Variants in CCDC88A observed in about 807,000 individuals in gnomAD.
CCDC88A encodes the protein coiled-coil and HOOK domain protein 88A, also known as girdin.
Under a neutral mutation model 234.3 loss-of-function variants are expected in CCDC88A, and 54 were observed. That is an observed-to-expected ratio of 0.23 (90% CI 0.19 to 0.29). The LOEUF (loss-of-function observed/expected upper bound fraction) is 0.29. CCDC88A is among the 10% of genes least tolerant of loss of function. The probability of loss-of-function intolerance (pLI) is 1.00; values close to 1 mark genes in which losing one functional copy is unlikely to be tolerated. For synonymous variants in CCDC88A, 753 were observed against 737.8 expected, an observed-to-expected ratio of 1.02 and a Z score of -0.33; for missense variants, 1,832 against 2,123.4, an observed-to-expected ratio of 0.86 and a Z score of 2.70.
rs1357029640 is a variant in CCDC88A, at chr2:55,332,607, A to T, written c.2814T>A (p.Asn938Lys). ...LTHELEKIGLNKERLLHDEQS... is the reference protein window; with the variant it reads ...LTHELEKIGLKKERLLHDEQS... The stretch of plus-strand genomic sequence containing the variant: ...GTTCATCATGTAAGAGTCGCTCCTT[A>T]TTTAACCCTATCTTCTCAAGCTCAT... Residue 938 changes from asparagine to lysine, a missense_variant, in exon 16 of 33, where the codon AAT becomes AAA. By Grantham distance (94) the Asn-to-Lys change is moderately conservative. This residue lies in a region of CCDC88A where 1,282 missense variants were observed against 1,543.6 expected (regional missense o/e 0.83). Coordinates refer to ENST00000436346, the MANE Select transcript of CCDC88A (RefSeq NM_001365480.1). This position sits in a 1 kb window ranked among gnomAD's most constrained non-coding sequence, Gnocchi z 4.5. The T allele has an allele frequency of 1.9e-6, 3 of 1,613,436 alleles. No individual in the cohort carries two copies. The highest frequency in any genetic ancestry group is 2.5e-6 in the Non-Finnish European group (3 of 1,179,778).
intron 2 of CCDC88A, among the ~76,000 whole-genome samples, chr2:55,394,995 G>A (rs570736405): frequency 3.0e-4 from 45 of 151,866 alleles, no homozygotes; most frequent in Non-Finnish European, 5.6e-4. Flanking sequence ...ACAGGTGCAC[G>A]CCACCACACC....
At chr2:55,398,631 G>T (rs1678036730) in intron 2 of CCDC88A, among the ~76,000 whole-genome samples, 1 of 151,632 alleles carries the variant, frequency 6.6e-6, no homozygotes. Context: ...TAAGCTCCTG[G>T]GCTGGCAACG....
In CCDC88A at chr2:55,291,694, T is replaced by C. The variant is rs377524973; in HGVS notation, c.*17A>G. 5.9e-6 allele frequency: 9 copies of C among 1,537,356 alleles called. No individual in the cohort carries two copies. In the African/African-American group the frequency reaches 8.2e-5, roughly 14 times the overall value. On this transcript the variant is annotated 3_prime_UTR_variant, in exon 32 of 33. Coordinates refer to ENST00000436346, the MANE Select transcript of CCDC88A (RefSeq NM_001365480.1). ...AACTCACCACTTGGCCCACATGTCA[T>C]GTAGTGGGTAATAGAATTAGGAGCT...
chr2:55,334,986 T>A lies in CCDC88A; in HGVS notation c.1835A>T (p.Gln612Leu), dbSNP rs1215550452. 6.3e-7 allele frequency: 1 copy of A among 1,594,780 alleles called. No individual in the cohort carries two copies. Among genetic ancestry groups the A allele is most frequent in the South Asian group, 1.1e-5 (1 of 88,226 alleles). Reference sequence around the variant, plus strand: ...ATAATGTTCCAATTCTTTTTTAATTTGTCTTTTTTCAAATTCAATCTTGCT... The same window carrying A: ...ATAATGTTCCAATTCTTTTTTAATTAGTCTTTTTTCAAATTCAATCTTGCT... ...KLSKIEFEKR[Q>L]IKKELEHYKE... Residue 612 changes from glutamine to leucine, a missense_variant, in exon 15 of 33, where the codon CAA (glutamine) becomes CTA (leucine). By Grantham distance (113) the Gln-to-Leu change is moderately radical. This residue lies in a region of CCDC88A where 1,282 missense variants were observed against 1,543.6 expected (regional missense o/e 0.83). Coordinates refer to ENST00000436346, the MANE Select transcript of CCDC88A (RefSeq NM_001365480.1). The surrounding 1 kb of genome is among the most constrained non-coding windows in gnomAD (Gnocchi z 6.1).
intron 2 of CCDC88A, among the ~76,000 whole-genome samples, chr2:55,412,949 T>C (rs1349476073): frequency 6.6e-6 from 1 of 152,132 alleles, no homozygotes; most frequent in Non-Finnish European, 1.5e-5. Flanking sequence ...ATGCCTGTAA[T>C]GCCAGCCACT....
intron 7 of CCDC88A, among the ~76,000 whole-genome samples, chr2:55,357,822 C>T (rs1370108635): frequency 3.3e-5 from 5 of 152,228 alleles, no homozygotes; most frequent in Admixed American, 1.3e-4. Flanking sequence ...TATTGCTTTC[C>T]GATTCCAGTA....
intron 7 of CCDC88A, among the ~76,000 whole-genome samples, chr2:55,359,844 C>T (rs1250712945): frequency 2.5e-5 from 2 of 81,610 alleles, no homozygotes; most frequent in African/African-American, 5.6e-5. Flanking sequence ...TAAAAAGATA[C>T]ATCAATGCTA....
intron 26 of CCDC88A, 121 bp downstream of exon 26, chr2:55,302,948 G>A (rs1681075548): frequency 1.5e-6 from 1 of 673,798 alleles, no homozygotes; most frequent in South Asian, 1.8e-5. Context: ...CCTTATATTA[G>A]AGGAAGACTG....
At chr2:55,369,043 T>A (rs1388548784) in intron 5 of CCDC88A, among the ~76,000 whole-genome samples, 3 of 152,176 alleles carry the variant, frequency 2.0e-5, no homozygotes, top group Non-Finnish European at 4.4e-5. Context: ...ATAATTTTTT[T>A]CTTTTTTTTG....
At position 55,364,848 on chromosome 2, in the gene CCDC88A, T is replaced by C. The variant is rs72799547; in HGVS notation, c.403-815A>G. 8.0e-3 allele frequency among the ~76,000 whole-genome samples: 1,217 copies of C among 152,262 alleles called. 9 individuals carry two copies. The highest frequency in any genetic ancestry group is 0.014 in the Middle Eastern group (4 of 294). On this transcript the variant is annotated intron_variant, in intron 5 of 32. Coordinates refer to ENST00000436346, the MANE Select transcript of CCDC88A (RefSeq NM_001365480.1). The stretch of plus-strand genomic sequence containing the variant: ...TAATGCTGCAAACCAACTGCTAGTA[T>C]CACTGTATTCTTACAGCTAACAAAT...
At chr2:55,337,028 C>A in intron 13 of CCDC88A, 2 of 366,510 alleles carry the variant, frequency 5.5e-6, no homozygotes, top group Non-Finnish European at 9.6e-6. Flanking sequence ...TATCCTTGTG[C>A]ATCTTTTGGG....
At chr2:55,407,133 G>A (rs911393363) in intron 2 of CCDC88A, among the ~76,000 whole-genome samples, 15 of 151,140 alleles carry the variant, frequency 9.9e-5, no homozygotes, top group African/African-American at 3.4e-4. Flanking sequence ...AGGATCATCT[G>A]AGACTGGGAG....
At chr2:55,307,615 A>T (rs1042855321) in intron 25 of CCDC88A, among the ~76,000 whole-genome samples, 1 of 151,810 alleles carries the variant, frequency 6.6e-6, no homozygotes, top group Non-Finnish European at 1.5e-5. Context: ...TCGCCATCCA[A>T]AGTGCTGGGA....
At chr2:55,350,331 A>G (rs959836467) in intron 8 of CCDC88A, 4 of 152,316 alleles carry the variant, frequency 2.6e-5, no homozygotes, top group East Asian at 3.9e-4. Context: ...TCCAATTGCC[A>G]TATGATACTA....
chr2:55,301,180 T>C (rs754031347), intron 28 of CCDC88A, 26 bp downstream of exon 28: 1 of 1,349,668 alleles, frequency 7.4e-7, no homozygotes, highest in Non-Finnish European at 1.1e-6. Flanking sequence ...TAATGTGTAC[T>C]CTCTAAATAA....
At chr2:55,380,770 C>G (rs544173807) in intron 3 of CCDC88A, among the ~76,000 whole-genome samples, 3 of 152,108 alleles carry the variant, frequency 2.0e-5, no homozygotes, top group Non-Finnish European at 4.4e-5. Context: ...TGCATGCCAT[C>G]ATGCCCAGCT....
intron 17 of CCDC88A, chr2:55,323,344 G>A (rs1041594566): frequency 6.6e-6 from 1 of 152,074 alleles, no homozygotes; most frequent in African/African-American, 2.4e-5. Flanking sequence ...CCCAACCTTT[G>A]TATTAAGGCA....
intron 2 of CCDC88A, among the ~76,000 whole-genome samples, chr2:55,400,461 G>A (rs1438423896): frequency 6.6e-6 from 1 of 152,118 alleles, no homozygotes; most frequent in Non-Finnish European, 1.5e-5. Flanking sequence ...ATGCAACATG[G>A]CAGTAAAAGA....
chr2:55,341,434 G>C (rs1244607369), intron 12 of CCDC88A, among the ~76,000 whole-genome samples: 2 of 147,502 alleles, frequency 1.4e-5, no homozygotes, highest in Admixed American at 6.8e-5. Context: ...CACCATGCCC[G>C]GCACTCCCCG....
Sources: allele counts gnomAD v4.1 joint callset (sites outside exome capture counted in the v4.1 genomes callset), GRCh38; gene constraint gnomAD v4.1.1; regional missense constraint gnomAD v4.1.1; non-coding constraint Gnocchi (gnomAD v3.1); transcripts MANE v1.5; gene names NCBI Gene and HGNC (gene_info 2026-07-23, HGNC 2026-07-21).